Variants in DMD observed in about 807,000 individuals in gnomAD.
DMD encodes the protein mutant dystrophin.
A neutral mutation model predicts 330.1 loss-of-function variants in DMD; 63 were observed. That is an observed-to-expected ratio of 0.19 (90% CI 0.16 to 0.24). The LOEUF (loss-of-function observed/expected upper bound fraction) is 0.24, where lower values mean the gene tolerates loss of function less well. Among genes scored for constraint, DMD ranks in the 10% least tolerant of loss-of-function variants. The probability of loss-of-function intolerance (pLI) is 1.00; values close to 1 mark genes in which losing one functional copy is unlikely to be tolerated. For synonymous variants in DMD, 1,223 were observed against 959.8 expected (o/e 1.27, Z -5.07); for missense variants, 3,344 against 2,684.1 (o/e 1.25, Z -5.43).
In DMD at chrX:31,284,605, CTTT is replaced by C. The variant is rs1556432295; in HGVS notation, c.9225-23592_9225-23590del. On this transcript the variant is annotated intron_variant, in intron 62 of 78. Transcript: ENST00000357033. Reference sequence around the variant, plus strand: ...TCTTCTTCTTCTTCTTCTTCTTCTTCTTTTTTTTGGCAGAGGTGGGGTGTCTCG... The same window carrying C: ...TCTTCTTCTTCTTCTTCTTCTTCTTCTTTTTGGCAGAGGTGGGGTGTCTCG... Among the ~76,000 whole-genome samples the C allele has an allele frequency of 6.6e-5, 6 of 91,133 alleles. No individual in the cohort carries two copies. The South Asian group carries it at 2.5e-3, about 38-fold the overall frequency. 79.1% of individuals were successfully genotyped at this position (91,133 alleles called of 115,157 possible).
At chrX:32,258,051 A>T (rs1004173711) in intron 43 of DMD, among the ~76,000 whole-genome samples, 2 of 111,926 alleles carry the variant, frequency 1.8e-5, no homozygotes, top group African/African-American at 6.5e-5. Flanking sequence ...CAGCCAGCAA[A>T]CATATCAAAA....
chrX:32,995,086 C>T (rs2093081640), intron 2 of DMD, among the ~76,000 whole-genome samples: 1 of 111,721 alleles, frequency 9.0e-6, no homozygotes, highest in African/African-American at 3.3e-5. Flanking sequence ...ACCTGAGTGA[C>T]GAAGTGAGAT....
At position 31,159,553 on chromosome X, in the gene DMD, A is replaced by G. The variant is rs547645629; in HGVS notation, c.10553+9890T>C. Among the ~76,000 whole-genome samples the G allele has an allele frequency of 4.5e-5, 5 of 111,927 alleles. No homozygotes were observed. In the South Asian group the frequency reaches 1.9e-3, roughly 43 times the overall value. ...CTAACTGGGCTGCTCATGCCCAATT[A>G]CAATCAAGTACATCAGGAGGTCCTT... On this transcript the variant is annotated intron_variant, in intron 74 of 78. Coordinates refer to ENST00000357033, the MANE Select transcript of DMD (RefSeq NM_004006.3).
chrX:32,796,407 A>G lies in DMD; in HGVS notation c.649+13086T>C, dbSNP rs189256635. Among the ~76,000 whole-genome samples, 226 of 111,901 alleles carry G rather than the reference A, an allele frequency of 2.0e-3. 2 individuals carry two copies. Among genetic ancestry groups the G allele is most frequent in the African/African-American group, 6.8e-3 (211 of 30,847 alleles). ...TTCTTACTCATATATAGGTGTAAAA[A>G]AAGTTGTTCTCATGGAAATAGAGAG... On this transcript the variant is annotated intron_variant, in intron 7 of 78. Coordinates refer to ENST00000357033, the MANE Select transcript of DMD (RefSeq NM_004006.3).
intron 48 of DMD, among the ~76,000 whole-genome samples, chrX:31,862,479 A>T (rs1378422907): frequency 9.0e-6 from 1 of 111,609 alleles, no homozygotes; most frequent in Admixed American, 9.5e-5. Context: ...ATTTACCCCC[A>T]ACTTTGTAAT....
At chrX:32,886,330 T>C (rs1170953469) in intron 2 of DMD, among the ~76,000 whole-genome samples, 1 of 109,629 alleles carries the variant, frequency 9.1e-6, no homozygotes, top group East Asian at 2.8e-4. Flanking sequence ...TGGTAAAAAA[T>C]AATAATAATA....
chrX:32,068,831 G>A (rs968959418), intron 44 of DMD, among the ~76,000 whole-genome samples: 3 of 111,331 alleles, frequency 2.7e-5, no homozygotes, highest in African/African-American at 9.8e-5. Flanking sequence ...TATAATCTGA[G>A]ATCACCCACC....
intron 13 of DMD, among the ~76,000 whole-genome samples, chrX:32,584,036 G>C (rs2053951965): frequency 9.0e-6 from 1 of 110,541 alleles, no homozygotes; most frequent in Non-Finnish European, 1.9e-5. Context: ...CATTCAAAAA[G>C]AAAAATGTAA....
chrX:31,655,303 G>A (rs897702230), intron 54 of DMD, among the ~76,000 whole-genome samples: 1 of 111,200 alleles, frequency 9.0e-6, no homozygotes, highest in African/African-American at 3.3e-5. Flanking sequence ...CTGATGCTGG[G>A]AAGGGTAGGG....
At chrX:32,866,820 G>A (rs1395047185) in intron 2 of DMD, among the ~76,000 whole-genome samples, 1 of 107,763 alleles carries the variant, frequency 9.3e-6, no homozygotes, top group Non-Finnish European at 1.9e-5. Context: ...TGCAACCTCC[G>A]TCTCCCAGTG....
At chrX:32,962,873 C>T (rs2091958773) in intron 2 of DMD, among the ~76,000 whole-genome samples, 1 of 111,217 alleles carries the variant, frequency 9.0e-6, no homozygotes, top group Admixed American at 9.6e-5. Context: ...ACCAATGAAG[C>T]TTTCATACAA....
rs148847133 is a variant in DMD, at chrX:31,995,314, T to A, written c.6439-26800A>T. ...TGGTTGAAAAGATGCATTATCATAA[T>A]GAATGCATTAGAGATAACAAACATA... On this transcript the variant is annotated intron_variant, in intron 44 of 78. Coordinates refer to ENST00000357033, the MANE Select transcript of DMD (RefSeq NM_004006.3). Among the ~76,000 whole-genome samples, 1,833 of 112,055 alleles carry A rather than the reference T, an allele frequency of 0.016. 51 individuals are homozygous for A. In the East Asian group the frequency reaches 0.18, roughly 11 times the overall value.
chrX:32,007,049 C>T (rs1472807688), intron 44 of DMD, among the ~76,000 whole-genome samples: 2 of 74,712 alleles, frequency 2.7e-5, no homozygotes, highest in African/African-American at 1.1e-4. Context: ...ATGGGAACAT[C>T]ACACTCTGGG....
chrX:31,887,949 CG>C (rs1377059847), intron 47 of DMD, among the ~76,000 whole-genome samples: 1 of 112,074 alleles, frequency 8.9e-6, no homozygotes, highest in Non-Finnish European at 1.9e-5. Flanking sequence ...CTCCTAAAAA[CG>C]CTTATGTTCT....
chrX:31,945,266 T>C (rs2095070571), intron 45 of DMD, among the ~76,000 whole-genome samples: 1 of 112,571 alleles, frequency 8.9e-6, no homozygotes, highest in Non-Finnish European at 1.9e-5. Context: ...ATTTTGCTAC[T>C]TGATGAGGTA....
intron 17 of DMD, among the ~76,000 whole-genome samples, chrX:32,522,565 C>T (rs762925307): frequency 1.8e-5 from 2 of 112,073 alleles, no homozygotes; most frequent in Non-Finnish European, 3.8e-5. Flanking sequence ...ATGTTACCTT[C>T]ATTCGTAAAA....
chrX:32,395,604 C>G (rs748134377), intron 30 of DMD, among the ~76,000 whole-genome samples: 252 of 111,623 alleles, frequency 2.3e-3, no homozygotes, highest in African/African-American at 8.0e-3. Flanking sequence ...AAAACCCATG[C>G]TCTGTGATCA....
intron 55 of DMD, among the ~76,000 whole-genome samples, chrX:31,542,489 T>C (rs1346815800): frequency 8.9e-6 from 1 of 112,262 alleles, no homozygotes; most frequent in African/African-American, 3.2e-5. Flanking sequence ...ATAGGGATAC[T>C]ACTACTGTCA....
intron 2 of DMD, among the ~76,000 whole-genome samples, chrX:32,953,253 C>A (rs765955397): frequency 9.1e-6 from 1 of 110,062 alleles, no homozygotes; most frequent in East Asian, 2.9e-4. Context: ...TTAATAAAGG[C>A]AAAGATGAAC....
Sources: allele counts gnomAD v4.1 joint callset (sites outside exome capture counted in the v4.1 genomes callset), GRCh38; gene constraint gnomAD v4.1.1; transcripts MANE v1.5; gene names NCBI Gene and HGNC (gene_info 2026-07-23, HGNC 2026-07-21).